SLCO1C1: variants seen among roughly 807,000 people sequenced by gnomAD.
The protein encoded by SLCO1C1 is solute carrier organic anion transporter family member 1C1, also known as OAT-RP-5.
SLCO1C1 carries 70 observed loss-of-function variants against 76.4 expected under a neutral mutation model. The observed-to-expected ratio is 0.92, with a 90% confidence interval of 0.76 to 1.12. The LOEUF (loss-of-function observed/expected upper bound fraction) is 1.12, where lower values mean the gene tolerates loss of function less well. Ranked by LOEUF, SLCO1C1 falls within the 50% of genes most tolerant of loss-of-function variation. The probability of loss-of-function intolerance (pLI) is 0.00; values close to 1 mark genes in which losing one functional copy is unlikely to be tolerated. For missense variants in SLCO1C1, 912 were observed against 823.8 expected, an observed-to-expected ratio of 1.11 and a Z score of -1.31; for synonymous variants, 306 against 286.1, an observed-to-expected ratio of 1.07 and a Z score of -0.70.
Position 20,701,361 on chromosome 12 carries a change from T to C in SLCO1C1, c.173T>C (p.Leu58Ser), listed in dbSNP as rs1239767332. The C allele has an allele frequency of 5.8e-6, 9 of 1,542,192 alleles. No homozygotes were observed. The highest frequency in any genetic ancestry group is 5.4e-5 in the African/African-American group (4 of 73,650). Residue 58 changes from leucine (L) to serine (S), a missense_variant, in exon 3 of 15, where the codon TTG (leucine) becomes TCG (serine). Leu to Ser is a moderately radical substitution (Grantham distance 145). Transcript: ENST00000266509. ...TCTTTTGTTTACTTTGCCAAAGCAT[T>C]GGCAGAAGGCTATCTGAAGAGCACC... is the stretch of plus-strand genomic sequence containing the variant. The part of the protein sequence containing the change: ...ALSFVYFAKA[L>S]AEGYLKSTIT...
chr12:20,707,017 G>C (rs955817832), intron 4 of SLCO1C1, among the ~76,000 whole-genome samples: 2 of 150,510 alleles, frequency 1.3e-5, no homozygotes, highest in Non-Finnish European at 3.0e-5. Context: ...ACTTTTTCTT[G>C]AATTTCTAGA....
intron 5 of SLCO1C1, 149 bp downstream of exon 5, chr12:20,711,659 ATATAAAGCAGTATATGAT>A: frequency 1.3e-6 from 1 of 768,424 alleles, no homozygotes; most frequent in South Asian, 2.0e-5. Context: ...AATTCCTAGA[ATATAAAGCAGTATATGAT>A]TAGATCCTAA....
chr12:20,707,404 C>T (rs1946833899), intron 4 of SLCO1C1, among the ~76,000 whole-genome samples: 1 of 151,976 alleles, frequency 6.6e-6, no homozygotes, highest in Admixed American at 6.6e-5. Context: ...GGGGGAAAAG[C>T]AGTTCCACTA....
In SLCO1C1 at chr12:20,723,250, G is replaced by T. The variant is rs188644400; in HGVS notation, c.1182G>T (p.Val394=). 1.5e-5 allele frequency: 25 copies of T among 1,613,634 alleles called. 1 individual carries two copies. The Admixed American group carries it at 4.2e-4, about 27-fold the overall frequency. The change falls in exon 9 of 15, where the codon GTG becomes GTT. Residue 394 remains valine (V), a synonymous_variant. Transcript: ENST00000266509. ...AGTCATCCTCCAGGGCCAACTTTGTGATCGGTATGCTCATCTGCCTTTCAT... is the reference window on the plus strand; with the variant it reads ...AGTCATCCTCCAGGGCCAACTTTGTTATCGGTATGCTCATCTGCCTTTCAT... ...YGQSSSRANF[V]IGLINIPAVA... is the part of the protein sequence containing the mutation.
At chr12:20,736,336 TG>T (rs34046081) in intron 10 of SLCO1C1, among the ~76,000 whole-genome samples, 14 of 144,734 alleles carry the variant, frequency 9.7e-5, no homozygotes, top group East Asian at 6.2e-4. Context: ...AAACCAATTT[TG>T]GGGGGGGGTG....
chr12:20,727,081 TACC>T (rs1948047083), intron 9 of SLCO1C1, among the ~76,000 whole-genome samples: 1 of 152,240 alleles, frequency 6.6e-6, no homozygotes, highest in African/African-American at 2.4e-5. Flanking sequence ...GGTGTATACG[TACC>T]ACTTCTTTAT....
At chr12:20,734,271 G>A (rs1341973060) in intron 10 of SLCO1C1, among the ~76,000 whole-genome samples, 2 of 152,204 alleles carry the variant, frequency 1.3e-5, no homozygotes, top group Non-Finnish European at 2.9e-5. Context: ...GAAGATTGGT[G>A]AATGCAAAGT....
chr12:20,728,014 CTTTAG>C (rs1440804784), intron 9 of SLCO1C1, among the ~76,000 whole-genome samples: 2 of 152,140 alleles, frequency 1.3e-5, no homozygotes, highest in Admixed American at 6.5e-5. Flanking sequence ...CGCAGAAGCT[CTTTAG>C]TTTAATTAAT....
intron 9 of SLCO1C1, among the ~76,000 whole-genome samples, chr12:20,729,811 C>T (rs1479148340): frequency 6.6e-6 from 1 of 151,934 alleles, no homozygotes; most frequent in African/African-American, 2.4e-5. Context: ...AGGTTTTTAT[C>T]AGTCAAAGCA....
rs765270700 is a variant in SLCO1C1, at chr12:20,740,376, C to T, written c.1733+8C>T. The T allele has an allele frequency of 1.7e-5, 27 of 1,597,932 alleles. No homozygotes were observed. The highest frequency in any genetic ancestry group is 1.7e-4 in the Middle Eastern group (1 of 6,042). ...ATACATATTACTTCTGAGGTGAGTA[C>T]TGATTCTCCCTATTCTAATTTTAAC... On this transcript the variant is annotated splice_region_variant and intron_variant, in intron 12 of 14. Transcript: ENST00000266509.
intron 9 of SLCO1C1, among the ~76,000 whole-genome samples, chr12:20,723,971 A>G (rs919368027): frequency 6.6e-6 from 1 of 152,114 alleles, no homozygotes; most frequent in South Asian, 2.1e-4. Flanking sequence ...CTACCTCTGA[A>G]AGAGACCTGG....
chr12:20,751,767 AG>A lies in SLCO1C1; in HGVS notation c.1917-538del, dbSNP rs542185523. On this transcript the variant is annotated intron_variant, in intron 14 of 14. Transcript: ENST00000266509. ...TCCATACCTTAGCATCTTCTGACAA[AG>A]CATAGAACTATAGGTTTCTCATGAA... 8.9e-4 allele frequency among the ~76,000 whole-genome samples: 135 copies of A among 152,282 alleles called. 1 individual carries two copies. Among genetic ancestry groups the A allele is most frequent in the African/African-American group, 3.0e-3 (126 of 41,568 alleles).
intron 9 of SLCO1C1, among the ~76,000 whole-genome samples, chr12:20,727,676 A>AT (rs1240003956): frequency 5.5e-4 from 83 of 151,900 alleles, no homozygotes; most frequent in Non-Finnish European, 5.0e-4. Context: ...CGCCCGGCTA[A>AT]TTTTTTGTAT....
intron 2 of SLCO1C1, 71 bp from the exon 3 acceptor site, chr12:20,701,247 G>T: frequency 7.5e-7 from 1 of 1,330,990 alleles, no homozygotes; most frequent in East Asian, 2.6e-5. Context: ...GTATTTGTTT[G>T]TCTATTTACT....
chr12:20,733,257 T>C (rs1450725666), intron 10 of SLCO1C1, among the ~76,000 whole-genome samples, 153 bp downstream of exon 10: 2 of 152,202 alleles, frequency 1.3e-5, no homozygotes, highest in African/African-American at 4.8e-5. Flanking sequence ...ATACCTAGAA[T>C]CTGTTATTGT....
intron 13 of SLCO1C1, among the ~76,000 whole-genome samples, chr12:20,747,416 G>A (rs1007765245): frequency 1.4e-5 from 2 of 139,700 alleles, no homozygotes; most frequent in Non-Finnish European, 3.2e-5. Context: ...GTGACAGAGG[G>A]AGACTCTGTC....
chr12:20,718,839 A>G (rs1405499669), intron 7 of SLCO1C1, among the ~76,000 whole-genome samples: 2 of 152,120 alleles, frequency 1.3e-5, no homozygotes, highest in South Asian at 2.1e-4. Flanking sequence ...TTTAGACTAT[A>G]TTTTTACTCT....
At chr12:20,713,582 T>C (rs1436266096) in intron 5 of SLCO1C1, among the ~76,000 whole-genome samples, 1 of 152,162 alleles carries the variant, frequency 6.6e-6, no homozygotes. Flanking sequence ...AAAGTCTGTT[T>C]CGTTAGACAT....
In SLCO1C1 at chr12:20,752,360, C is replaced by G. The variant is rs1280522062; in HGVS notation, c.1971C>G (p.Ser657Arg). 6.2e-7 allele frequency: 1 copy of G among 1,612,846 alleles called. No individual in the cohort carries two copies. Among genetic ancestry groups the G allele is most frequent in the Non-Finnish European group, 8.5e-7 (1 of 1,179,172 alleles). The change falls in exon 15 of 15, where the codon AGC (serine) becomes AGG (arginine). Residue 657 changes from serine to arginine, a missense_variant. Transcript: ENST00000266509. The stretch of plus-strand genomic sequence containing the variant: ...TGGGCACAGTGTCAATTCTCCTAAG[C>G]ATTGCAGTACTTTTCATTTTAAAGA... ...VILGTVSILLSIAVLFILKKN... is the reference protein window; with the variant it reads ...VILGTVSILLRIAVLFILKKN...
Sources: allele counts gnomAD v4.1 joint callset (sites outside exome capture counted in the v4.1 genomes callset), GRCh38; gene constraint gnomAD v4.1.1; transcripts MANE v1.5; gene names NCBI Gene and HGNC (gene_info 2026-07-23, HGNC 2026-07-21).